The following GPM6A variants were observed in gnomAD, a reference collection of about 807,000 sequenced individuals.
GPM6A encodes glycoprotein M6A, also known as neuronal membrane glycoprotein M6-a.
In GPM6A, 7 loss-of-function variants were observed where a neutral mutation model predicts 32.1. The observed-to-expected ratio is 0.22, with a 90% CI of 0.12 to 0.41. The LOEUF is 0.41. Ranked by LOEUF, GPM6A falls within the 10% of genes least tolerant of loss-of-function variation. The pLI is 1.00. For synonymous variants in GPM6A, 130 were observed against 123.4 expected (o/e 1.05, Z -0.35); for missense variants, 235 against 347.2 (o/e 0.68, Z 2.57).
At chr4:175,670,861 A>ATTTTTTTTTT (rs33998725) in intron 3 of GPM6A, among the ~76,000 whole-genome samples, 11 of 124,172 alleles carry the variant, frequency 8.9e-5, no homozygotes, top group African/African-American at 2.6e-4. Flanking sequence ...ATGTTGCTTC[A>ATTTTTTTTTT]TTTTTTTTTT....
At chr4:175,703,019 G>T (rs541468699) in intron 1 of GPM6A, among the ~76,000 whole-genome samples, 1 of 152,168 alleles carries the variant, frequency 6.6e-6, no homozygotes, top group South Asian at 2.1e-4. Flanking sequence ...TTATTCTTTT[G>T]AGCTTATTGT....
At chr4:175,812,736 C>T (rs1734979770), upstream of GPM6A, 5 of 985,484 alleles carry the variant, frequency 5.1e-6, no homozygotes, top group Non-Finnish European at 6.0e-6. Context: ...CGTAATTCCC[C>T]CCTTCATTCC....
chr4:175,789,228 A>G (rs780706313), intron 1 of GPM6A, among the ~76,000 whole-genome samples: 4 of 152,188 alleles, frequency 2.6e-5, no homozygotes, highest in Non-Finnish European at 5.9e-5. Context: ...TATTTCAACA[A>G]TAGACTTTTG....
At chr4:175,864,666 G>A (rs185229704) in intron 1 of GPM6A, among the ~76,000 whole-genome samples, 1 of 152,026 alleles carries the variant, frequency 6.6e-6, no homozygotes, top group Non-Finnish European at 1.5e-5. Flanking sequence ...ATTATATTTT[G>A]TTTTATAGTT....
intron 1 of GPM6A, among the ~76,000 whole-genome samples, chr4:175,728,937 C>T (rs1397376354): frequency 6.6e-6 from 1 of 152,182 alleles, no homozygotes; most frequent in African/African-American, 2.4e-5. Flanking sequence ...CTGAGCTTCT[C>T]TCTTGGGGTG....
At chr4:175,804,184 T>C (rs187272331) in intron 1 of GPM6A, among the ~76,000 whole-genome samples, 2 of 152,352 alleles carry the variant, frequency 1.3e-5, no homozygotes, top group East Asian at 3.9e-4. Context: ...AATTCTATTA[T>C]TGAATATTGA....
chr4:175,924,038 T>A (rs902332261), intron 1 of GPM6A, among the ~76,000 whole-genome samples: 9 of 152,318 alleles, frequency 5.9e-5, no homozygotes, highest in Admixed American at 5.9e-4. Context: ...AAATAAATAA[T>A]CATTATTAAT....
At position 175,736,104 on chromosome 4, in the gene GPM6A, C is replaced by A. The variant is rs139038130; in HGVS notation, c.38-34337G>T. ...GCAGTGGTGCAATCATAGCTTACTG[C>A]AGTCTTGAACTTCTGGGCTCAAGGG... On this transcript the variant is annotated intron_variant, in intron 1 of 6. Transcript: ENST00000393658. 2.4e-3 allele frequency among the ~76,000 whole-genome samples: 365 copies of A among 152,276 alleles called. 3 individuals are homozygous for A. Among genetic ancestry groups the A allele is most frequent in the Non-Finnish European group, 2.3e-3 (159 of 68,028 alleles).
At chr4:175,935,521 A>T (rs976028402) in intron 1 of GPM6A, among the ~76,000 whole-genome samples, 2 of 152,190 alleles carry the variant, frequency 1.3e-5, no homozygotes, top group African/African-American at 2.4e-5. Context: ...TAAAACCACT[A>T]CTGGAACAAA....
chr4:175,873,454 T>C (rs1736976535), intron 1 of GPM6A, among the ~76,000 whole-genome samples: 1 of 152,166 alleles, frequency 6.6e-6, no homozygotes, highest in Admixed American at 6.5e-5. Flanking sequence ...AATCATTTAT[T>C]TGCTATTCAG....
At chr4:175,940,542 C>T (rs960339978) in intron 1 of GPM6A, among the ~76,000 whole-genome samples, 3 of 151,984 alleles carry the variant, frequency 2.0e-5, no homozygotes, top group African/African-American at 7.3e-5. Flanking sequence ...AACAGCTGCT[C>T]TGCTATGAAA....
At chr4:175,811,627 G>T (rs1734922872) in intron 1 of GPM6A, among the ~76,000 whole-genome samples, 1 of 152,114 alleles carries the variant, frequency 6.6e-6, no homozygotes, top group African/African-American at 2.4e-5. Context: ...AAATCTTAAC[G>T]CTTCCATACA....
intron 1 of GPM6A, among the ~76,000 whole-genome samples, chr4:175,974,740 T>A (rs970066434): frequency 1.3e-5 from 2 of 151,836 alleles, no homozygotes; most frequent in Non-Finnish European, 2.9e-5. Context: ...TGGAGTGCAG[T>A]AGCACAGTCT....
chr4:175,812,490 G>T (rs541985196), upstream of GPM6A: 1 of 1,204,344 alleles, frequency 8.3e-7, no homozygotes, highest in African/African-American at 1.6e-5. Context: ...TCTTCTCAAA[G>T]CTGCCCATTG....
At chr4:175,719,526 C>T (rs1215418201) in intron 1 of GPM6A, among the ~76,000 whole-genome samples, 1 of 152,150 alleles carries the variant, frequency 6.6e-6, no homozygotes, top group Non-Finnish European at 1.5e-5. Flanking sequence ...AAAACAAATT[C>T]TCTCCTGATA....
At chr4:175,679,473 C>G (rs978600708) in intron 2 of GPM6A, among the ~76,000 whole-genome samples, 1 of 152,068 alleles carries the variant, frequency 6.6e-6, no homozygotes, top group Admixed American at 6.6e-5. Context: ...AACTAACAAG[C>G]GATCTGTGAG....
chr4:175,877,578 A>G (rs1316293005), intron 1 of GPM6A, among the ~76,000 whole-genome samples: 1 of 152,168 alleles, frequency 6.6e-6, no homozygotes, highest in Non-Finnish European at 1.5e-5. Flanking sequence ...TGAAACCATC[A>G]AATGTTGTGA....
intron 1 of GPM6A, among the ~76,000 whole-genome samples, chr4:175,931,671 T>TATATACAC (rs1373359870): frequency 3.7e-5 from 5 of 136,536 alleles, no homozygotes; most frequent in Non-Finnish European, 4.7e-5. Flanking sequence ...TTAAAAAATA[T>TATATACAC]ACACACACAC....
At chr4:175,692,875 G>T (rs866227785) in intron 2 of GPM6A, among the ~76,000 whole-genome samples, 3 of 152,014 alleles carry the variant, frequency 2.0e-5, no homozygotes, top group African/African-American at 7.2e-5. Context: ...GTGTATTTAT[G>T]AGTACTTACA....
Sources: allele counts gnomAD v4.1 joint callset (sites outside exome capture counted in the v4.1 genomes callset), GRCh38; gene constraint gnomAD v4.1.1; transcripts MANE v1.5; gene names NCBI Gene and HGNC (gene_info 2026-07-23, HGNC 2026-07-21).